The following GLDC variants were observed in gnomAD, a reference collection of about 807,000 sequenced individuals.
GLDC encodes the protein glycine dehydrogenase (decarboxylating), mitochondrial.
GLDC carries 104 observed loss-of-function variants against 121.3 expected under a neutral mutation model. The ratio of observed to expected loss-of-function variants is 0.86; its 90% confidence interval spans 0.73 to 1.01. The LOEUF (loss-of-function observed/expected upper bound fraction) is 1.01. Ranked by LOEUF, GLDC falls within the 50% of genes least tolerant of loss-of-function variation. The pLI is 0.00. For missense variants in GLDC, 1,429 were observed against 1,306.6 expected, an observed-to-expected ratio of 1.09 and a Z score of -1.44; for synonymous variants, 546 against 480.6, an observed-to-expected ratio of 1.14 and a Z score of -1.78.
intron 2 of GLDC, among the ~76,000 whole-genome samples, chr9:6,637,286 T>C (rs948140783): frequency 6.6e-6 from 1 of 151,064 alleles, no homozygotes; most frequent in Non-Finnish European, 1.5e-5. Context: ...GGTGACTTAA[T>C]ACCAGCTACC....
At chr9:6,560,422 C>A (rs893105189) in intron 16 of GLDC, among the ~76,000 whole-genome samples, 1 of 152,338 alleles carries the variant, frequency 6.6e-6, no homozygotes. Flanking sequence ...CCCTTTAGAA[C>A]GGCTGTTGGT....
At chr9:6,617,904 T>A (rs147763760) in intron 3 of GLDC, among the ~76,000 whole-genome samples, 123 of 152,354 alleles carry the variant, frequency 8.1e-4, no homozygotes, top group African/African-American at 2.9e-3. Flanking sequence ...TCCCACTTAG[T>A]GAAGCCTGCA....
At chr9:6,562,206 T>A (rs1280089109) in intron 16 of GLDC, among the ~76,000 whole-genome samples, 1 of 152,240 alleles carries the variant, frequency 6.6e-6, no homozygotes, top group Admixed American at 6.5e-5. Context: ...TAAGTGTTTG[T>A]TAAATAAATT....
chr9:6,601,251 G>A (rs149581276), intron 8 of GLDC, among the ~76,000 whole-genome samples: 3 of 152,178 alleles, frequency 2.0e-5, no homozygotes, highest in Admixed American at 2.0e-4. Flanking sequence ...CTCAAGCACA[G>A]TCATCACAAA....
At chr9:6,571,194 G>A (rs986989500) in intron 15 of GLDC, among the ~76,000 whole-genome samples, 2 of 151,890 alleles carry the variant, frequency 1.3e-5, no homozygotes, top group Non-Finnish European at 2.9e-5. Context: ...AAAGAAACTG[G>A]CACAAATCAG....
chr9:6,615,581 TA>T (rs35065126), intron 3 of GLDC, among the ~76,000 whole-genome samples: 4,170 of 142,940 alleles, frequency 0.029, 107 homozygotes, highest in African/African-American at 0.073. Context: ...GACCTTGTCT[TA>T]AAAAAAAAAA....
At chr9:6,605,105 A>AC (rs765546006) in intron 6 of GLDC, 26 bp downstream of exon 6, 7 of 1,606,926 alleles carry the variant, frequency 4.4e-6, no homozygotes, top group Middle Eastern at 2.2e-4. Flanking sequence ...GCCTCCACGG[A>AC]CCCCCCACAA....
intron 15 of GLDC, among the ~76,000 whole-genome samples, chr9:6,569,912 G>T (rs1217650045): frequency 6.6e-6 from 1 of 151,962 alleles, no homozygotes; most frequent in African/African-American, 2.4e-5. Flanking sequence ...GGAGGTGGAG[G>T]CTGCAGTGAT....
chr9:6,577,416 C>T (rs1224272190), intron 15 of GLDC, among the ~76,000 whole-genome samples: 1 of 152,202 alleles, frequency 6.6e-6, no homozygotes, highest in South Asian at 2.1e-4. Flanking sequence ...CCAACCTTAT[C>T]CCATATCCAT....
At chr9:6,624,212 G>C (rs942176443) in intron 2 of GLDC, among the ~76,000 whole-genome samples, 4 of 152,176 alleles carry the variant, frequency 2.6e-5, no homozygotes, top group African/African-American at 4.8e-5. Flanking sequence ...GTTGAATTGT[G>C]TTCCCAAAAA....
intron 17 of GLDC, 26 bp from the exon 18 acceptor site, chr9:6,556,328 G>A (rs1208856732): frequency 3.1e-6 from 5 of 1,597,744 alleles, no homozygotes; most frequent in Non-Finnish European, 2.6e-6. Context: ...GGTAGAGAAG[G>A]ACATGGAGGG....
intron 3 of GLDC, among the ~76,000 whole-genome samples, chr9:6,618,719 A>G (rs757414854): frequency 3.3e-5 from 5 of 152,166 alleles, no homozygotes; most frequent in Non-Finnish European, 7.4e-5. Flanking sequence ...GTGTTGTTCT[A>G]TCAGTGAGGA....
Position 6,645,727 on chromosome 9 carries a change from T to A in GLDC, c.-228A>T. 1 of 278,786 alleles carries A rather than the reference T, an allele frequency of 3.6e-6. No homozygotes were observed. The highest frequency in any genetic ancestry group is 6.6e-6 in the Non-Finnish European group (1 of 151,932). The allele number at this position is 278,786 out of a possible 1,614,324, so 17.3% of individuals were successfully genotyped here. On this transcript the variant is annotated 5_prime_UTR_variant, in exon 1 of 25. It adds an upstream start codon to the 5' untranslated region. Transcript: ENST00000321612. ...CACCCAAGGCACCTGCTCCGCACAC[T>A]TTAAGCGGCGCCCTGGAGGCGGGAG...
Position 6,606,309 on chromosome 9 carries a change from CAA to C in GLDC, c.713+281_713+282del, listed in dbSNP as rs56758871. 7.4e-3 allele frequency among the ~76,000 whole-genome samples: 668 copies of C among 90,024 alleles called. 5 individuals carry two copies. Among genetic ancestry groups the C allele is most frequent in the African/African-American group, 0.025 (635 of 25,604 alleles). The allele number at this position is 90,024 out of a possible 152,430, so 59.1% of individuals were successfully genotyped here. On this transcript the variant is annotated intron_variant, in intron 5 of 24. Coordinates refer to ENST00000321612, the MANE Select transcript of GLDC (RefSeq NM_000170.3). ...TGGACGACAGAGCGAGACTCCGTCT[CAA>C]AAAAAAAAAAAAAAAAAAGAAGAAG...
chr9:6,629,958 T>TATATATATATATGTGTATATATATATA, intron 2 of GLDC, among the ~76,000 whole-genome samples: 8 of 78,656 alleles, frequency 1.0e-4, no homozygotes, highest in Non-Finnish European at 1.5e-4. Context: ...TATATATATA[T>TATATATATATATGTGTATATATATATA]TTTTTTTTTT....
At chr9:6,592,775 AC>A in intron 10 of GLDC, 75 bp downstream of exon 10, 1 of 1,403,446 alleles carries the variant, frequency 7.1e-7, no homozygotes, top group South Asian at 1.2e-5. Flanking sequence ...TTTTTTAAAA[AC>A]AAAGAGAAAA....
chr9:6,615,302 C>T (rs1202114690), intron 3 of GLDC, among the ~76,000 whole-genome samples: 1 of 151,934 alleles, frequency 6.6e-6, no homozygotes. Flanking sequence ...TTTTAAGACT[C>T]AGTATACAGG....
Position 6,554,143 on chromosome 9 carries a change from T to G in GLDC, c.2315+526A>C, listed in dbSNP as rs141072099. Reference sequence around the variant, plus strand: ...TTCCCAAGATGATTTGATTTCAGTGTAAAAAGTTATCCACAGCTAAGAAAT... The same window carrying G: ...TTCCCAAGATGATTTGATTTCAGTGGAAAAAGTTATCCACAGCTAAGAAAT... On this transcript the variant is annotated intron_variant, in intron 19 of 24. Transcript: ENST00000321612. 6.0e-3 allele frequency among the ~76,000 whole-genome samples: 917 copies of G among 152,296 alleles called. 9 individuals are homozygous for G. Among genetic ancestry groups the G allele is most frequent in the African/African-American group, 0.021 (864 of 41,572 alleles).
chr9:6,592,953 C>T lies in GLDC; in HGVS notation c.1299G>A (p.Leu433=), dbSNP rs1462368701. 3.1e-6 allele frequency: 5 copies of T among 1,613,990 alleles called. No individual in the cohort carries two copies. In the Admixed American group the frequency reaches 8.3e-5, roughly 27 times the overall value. The change falls in exon 10 of 25, where the codon CTG becomes CTA. Residue 433 remains leucine, a synonymous_variant. Coordinates refer to ENST00000321612, the MANE Select transcript of GLDC (RefSeq NM_000170.3). The part of the protein sequence containing the change: ...KRAGHQLQHD[L]FFDTLKIQCG... ...ACTGAATCTTCAAGGTATCAAAGAA[C>T]AGGTCATGCTGGAGTTGATGCCCTG...
Sources: allele counts gnomAD v4.1 joint callset (sites outside exome capture counted in the v4.1 genomes callset), GRCh38; gene constraint gnomAD v4.1.1; transcripts MANE v1.5; gene names NCBI Gene and HGNC (gene_info 2026-07-23, HGNC 2026-07-21).